The following ZSCAN5A variants were observed in gnomAD, a reference collection of about 807,000 sequenced individuals.
ZSCAN5A encodes the protein zinc finger and SCAN domain-containing protein 5A.
In ZSCAN5A, 12 loss-of-function variants were observed where a neutral mutation model predicts 23.7. That is an observed-to-expected ratio of 0.51 (90% CI 0.32 to 0.82). The LOEUF is 0.82. ZSCAN5A is among the 40% of genes least tolerant of loss of function. ZSCAN5A has a pLI of 0.03. For missense variants in ZSCAN5A, 597 were observed against 617.9 expected, an observed-to-expected ratio of 0.97 and a Z score of 0.36; for synonymous variants, 257 against 239.9, an observed-to-expected ratio of 1.07 and a Z score of -0.66.
chr19:56,358,478 G>A (rs111328829), intron 2 of ZSCAN5A, among the ~76,000 whole-genome samples: 1 of 125,642 alleles, frequency 8.0e-6, no homozygotes, highest in South Asian at 2.5e-4. Flanking sequence ...CAATAATAGC[G>A]GGAGACTTTA....
intron 2 of ZSCAN5A, among the ~76,000 whole-genome samples, chr19:56,325,972 G>A (rs1019044472): frequency 2.0e-5 from 3 of 150,304 alleles, no homozygotes; most frequent in African/African-American, 7.3e-5. Context: ...TTGCTCTGTT[G>A]CCCAGGCTGG....
intron 2 of ZSCAN5A, among the ~76,000 whole-genome samples, chr19:56,344,998 G>A (rs777035239): frequency 6.6e-6 from 1 of 151,092 alleles, no homozygotes; most frequent in Admixed American, 6.6e-5. Context: ...CCAGCTACTC[G>A]GGAGGCCGAG....
chr19:56,341,985 T>C (rs2041596644), intron 2 of ZSCAN5A, among the ~76,000 whole-genome samples: 1 of 152,128 alleles, frequency 6.6e-6, no homozygotes, highest in Admixed American at 6.5e-5. Flanking sequence ...ATCTTATAAT[T>C]TATTGAGTAA....
At chr19:56,288,070 G>A (rs543042181) in intron 2 of ZSCAN5A, among the ~76,000 whole-genome samples, 3 of 152,178 alleles carry the variant, frequency 2.0e-5, no homozygotes, top group African/African-American at 4.8e-5. Flanking sequence ...TGATGGTCAC[G>A]AGGCTGGTGT....
At chr19:56,363,984 T>C (rs1042038389) in intron 1 of ZSCAN5A, among the ~76,000 whole-genome samples, 2 of 152,150 alleles carry the variant, frequency 1.3e-5, no homozygotes, top group African/African-American at 4.8e-5. Context: ...AACCACTTGA[T>C]AGAGAAATTT....
rs1367664036 is a variant in ZSCAN5A at position 56,246,703 on chromosome 19, CT to C, written c.-127-21531del. 3.7e-6 allele frequency: 4 copies of C among 1,078,400 alleles called. No homozygotes were observed. In the African/African-American group the frequency reaches 6.3e-5, roughly 17 times the overall value. 66.8% of individuals were successfully genotyped at this position (1,078,400 alleles called of 1,614,324 possible). ...GTGTATTGAAAATGTACCTTATTAACTGTTGTGTGTGGAATCCCTTCTTCCA... is the reference window on the plus strand; with the variant it reads ...GTGTATTGAAAATGTACCTTATTAACGTTGTGTGTGGAATCCCTTCTTCCA... On this transcript the variant is annotated intron_variant, in intron 2 of 5. Coordinates refer to ENST00000683990, the MANE Select transcript of ZSCAN5A (RefSeq NM_001322064.3).
At chr19:56,246,437 C>T in intron 2 of ZSCAN5A, 2 of 569,202 alleles carry the variant, frequency 3.5e-6, no homozygotes, top group East Asian at 3.3e-5. Flanking sequence ...GGACTTACAT[C>T]CCCAGAGCCT....
intron 2 of ZSCAN5A, chr19:56,302,180 G>C (rs767905330): frequency 3.8e-5 from 40 of 1,055,516 alleles, no homozygotes; most frequent in Non-Finnish European, 4.7e-5. Flanking sequence ...AAGCGAAGGA[G>C]GGTGCCTCAG....
At chr19:56,329,701 GT>G (rs1200799716) in intron 2 of ZSCAN5A, among the ~76,000 whole-genome samples, 2 of 151,832 alleles carry the variant, frequency 1.3e-5, no homozygotes, top group African/African-American at 4.8e-5. Flanking sequence ...TAAAAAAAAA[GT>G]TTTTCATGAT....
chr19:56,330,826 T>C (rs1167984173), intron 2 of ZSCAN5A, among the ~76,000 whole-genome samples: 1 of 150,146 alleles, frequency 6.7e-6, no homozygotes, highest in Non-Finnish European at 1.5e-5. Flanking sequence ...TAGATCCAAT[T>C]TGTCATTTTT....
At chr19:56,284,235 C>T (rs2038934820) in intron 2 of ZSCAN5A, 2 of 958,938 alleles carry the variant, frequency 2.1e-6, no homozygotes, top group Admixed American at 6.2e-5. Context: ...CACAATGCCC[C>T]CAGACTGTGC....
In ZSCAN5A at chr19:56,221,957, T is replaced by C. The variant is rs2146363556; in HGVS notation, c.1109A>G (p.Lys370Arg). The C allele has an allele frequency of 3.1e-6, 5 of 1,614,198 alleles. No individual in the cohort carries two copies. The highest frequency in any genetic ancestry group is 3.3e-4 in the Middle Eastern group (2 of 6,062). The change falls in exon 6 of 6, where the codon AAG becomes AGG. Residue 370 changes from lysine (K) to arginine (R), a missense_variant. Coordinates refer to ENST00000683990, the MANE Select transcript of ZSCAN5A (RefSeq NM_001322064.3). Reference protein sequence around the residue: ...VCEKRFTCNSKLVIHKRSHTG... With the variant: ...VCEKRFTCNSRLVIHKRSHTG... Reference sequence around the variant, plus strand: ...GTGTGATCTCTTGTGGATGACTAGCTTGGAATTACACGTAAACCTCTTCTC... The same window carrying C: ...GTGTGATCTCTTGTGGATGACTAGCCTGGAATTACACGTAAACCTCTTCTC...
intron 2 of ZSCAN5A, among the ~76,000 whole-genome samples, chr19:56,285,356 C>T (rs974149369): frequency 1.3e-5 from 2 of 152,186 alleles, no homozygotes; most frequent in Non-Finnish European, 2.9e-5. Context: ...AAGCAAGCAC[C>T]ATTTCTAGTC....
intron 2 of ZSCAN5A, among the ~76,000 whole-genome samples, chr19:56,328,314 T>C (rs1300621332): frequency 6.6e-6 from 1 of 151,926 alleles, no homozygotes; most frequent in Non-Finnish European, 1.5e-5. Context: ...AATTTTACTA[T>C]TTTATTATAA....
chr19:56,222,924 G>A (rs1245566296), intron 4 of ZSCAN5A, among the ~76,000 whole-genome samples, 183 bp from the exon 5 acceptor site: 1 of 152,076 alleles, frequency 6.6e-6, no homozygotes. Flanking sequence ...TTCTGTGTCT[G>A]TCCCTAATCT....
intron 2 of ZSCAN5A, among the ~76,000 whole-genome samples, chr19:56,302,469 C>T (rs1330239258): frequency 6.8e-6 from 1 of 146,534 alleles, no homozygotes; most frequent in Non-Finnish European, 1.5e-5. Context: ...TGCTTCCTCC[C>T]TCCCTTCTTC....
chr19:56,345,246 C>T (rs1394019711), intron 2 of ZSCAN5A, among the ~76,000 whole-genome samples: 2 of 152,122 alleles, frequency 1.3e-5, no homozygotes, highest in African/African-American at 4.8e-5. Context: ...TTTGAGTAGT[C>T]TTTTCTTTTT....
chr19:56,236,778 C>T (rs908012546), intron 2 of ZSCAN5A, among the ~76,000 whole-genome samples: 8 of 144,472 alleles, frequency 5.5e-5, no homozygotes, highest in South Asian at 2.3e-4. Flanking sequence ...CTCTGATGGA[C>T]GGTGGGCCAA....
chr19:56,330,861 T>TA (rs2041482468), intron 2 of ZSCAN5A, among the ~76,000 whole-genome samples: 1 of 152,190 alleles, frequency 6.6e-6, no homozygotes, highest in Admixed American at 6.5e-5. Context: ...TTTGAGAACT[T>TA]AGTAATAAAT....
Sources: allele counts gnomAD v4.1 joint callset (sites outside exome capture counted in the v4.1 genomes callset), GRCh38; gene constraint gnomAD v4.1.1; transcripts MANE v1.5; gene names NCBI Gene and HGNC (gene_info 2026-07-23, HGNC 2026-07-21).